Variants in SRPK3 observed in about 807,000 individuals in gnomAD.
SRPK3 encodes SRSF protein kinase 3, also known as SFRS protein kinase 3.
A neutral mutation model predicts 45.3 loss-of-function variants in SRPK3; 26 were observed. That is an observed-to-expected ratio of 0.57 (90% CI 0.42 to 0.80). The LOEUF (loss-of-function observed/expected upper bound fraction) is 0.80, where lower values mean the gene tolerates loss of function less well. Among genes scored for constraint, SRPK3 ranks in the 30% least tolerant of loss-of-function variants. The probability of loss-of-function intolerance (pLI) is 0.00; values close to 1 mark genes in which losing one functional copy is unlikely to be tolerated. For synonymous variants in SRPK3, 254 were observed against 226.6 expected (o/e 1.12, Z -1.09); for missense variants, 536 against 514.5 (o/e 1.04, Z -0.40).
At chrX:153,784,543 G>A in intron 11 of SRPK3, 149 bp downstream of exon 11, 1 of 758,186 alleles carries the variant, frequency 1.3e-6, no homozygotes, top group Non-Finnish European at 1.9e-6. Flanking sequence ...CAGCACTGGG[G>A]CCATGGCCAA....
chrX:153,781,157 C>A lies in SRPK3; in HGVS notation c.59+12C>A. 8.5e-7 allele frequency: 1 copy of A among 1,170,833 alleles called. No homozygotes were observed. On this transcript the variant is annotated intron_variant, in intron 1 of 14. Transcript: ENST00000370101. ...GGCAGTAGCAGCAGGTAGGGCTCGG[C>A]TGGGGCACCCGGAGCCCCTGGCGTC...
At position 153,785,018 on chromosome X, in the gene SRPK3, C is replaced by G; in HGVS notation, c.1426+15C>G. Reference sequence around the variant, plus strand: ...TCGTGATGAGGGTAAGGGGTGAGGGCTCTGGGCTCAGCCTCCCGGCCTCCC... The same window carrying G: ...TCGTGATGAGGGTAAGGGGTGAGGGGTCTGGGCTCAGCCTCCCGGCCTCCC... On this transcript the variant is annotated intron_variant, in intron 13 of 14. Transcript: ENST00000370101. 8.3e-7 allele frequency: 1 copy of G among 1,211,222 alleles called. No individual in the cohort carries two copies. The highest frequency in any genetic ancestry group is 1.1e-6 in the Non-Finnish European group (1 of 895,252).
chrX:153,782,642 C>A, intron 5 of SRPK3, 130 bp from the exon 6 acceptor site: 1 of 537,049 alleles, frequency 1.9e-6, no homozygotes, highest in Non-Finnish European at 3.0e-6. Context: ...TAATGGTGAC[C>A]AGGACTGCCC....
rs145638483 is a variant in SRPK3 at position 153,784,168 on chromosome X, G to A, written c.1102G>A (p.Gly368Ser). Reference sequence around the variant, plus strand: ...TCCTGCCTCCTGCTCCATCCTCTCCGGCTCGTCCAATCAGCGAGAGACCGG... The same window carrying A: ...TCCTGCCTCCTGCTCCATCCTCTCCAGCTCGTCCAATCAGCGAGAGACCGG... ...FSPASCSILS[G>S]SSNQRETGGL... Residue 368 changes from glycine (G) to serine (S), a missense_variant, in exon 10 of 15, where the codon GGC becomes AGC. Gly to Ser is a moderately conservative substitution (Grantham distance 56). Coordinates refer to ENST00000370101, the MANE Select transcript of SRPK3 (RefSeq NM_014370.4). 5.2e-5 allele frequency: 63 copies of A among 1,209,454 alleles called. No homozygotes were observed. Among genetic ancestry groups the A allele is most frequent in the Non-Finnish European group, 6.0e-5 (54 of 895,245 alleles).
In SRPK3 at chrX:153,784,028, A is replaced by G. The variant is rs1223121841; in HGVS notation, c.962A>G (p.His321Arg). ...GSGSTSSSGC[H>R]PGGARAGPSP... ...GGCTCCACATCCTCTTCAGGCTGTC[A>G]CCCCGGGGGCGCCAGAGCAGGTCCC... The change falls in exon 10 of 15, where the codon CAC (histidine) becomes CGC (arginine). Residue 321 changes from histidine to arginine, a missense_variant. By Grantham distance (29) the His-to-Arg change is conservative (BLOSUM62 0). Coordinates refer to ENST00000370101, the MANE Select transcript of SRPK3 (RefSeq NM_014370.4). The G allele has an allele frequency of 8.3e-7, 1 of 1,204,252 alleles. No individual in the cohort carries two copies. Among genetic ancestry groups the G allele is most frequent in the Non-Finnish European group, 1.1e-6 (1 of 892,720 alleles).
chrX:153,782,296 C>G (rs1444519486), intron 5 of SRPK3, 88 bp downstream of exon 5: 5 of 801,102 alleles, frequency 6.2e-6, no homozygotes, highest in Non-Finnish European at 9.4e-6. Flanking sequence ...TCTGCAGACC[C>G]GCACAATGGG....
Position 153,784,197 on chromosome X carries a change from C to T in SRPK3, c.1131C>T (p.Gly377=). ...CGTCCAATCAGCGAGAGACCGGGGG[C>T]CTCCTGTCGCCTAGCAGTAAGTTGG... ...SGSSNQRETG[G]LLSPSTPFGA... The change falls in exon 10 of 15, where the codon GGC becomes GGT. Residue 377 remains glycine, a synonymous_variant. Coordinates refer to ENST00000370101, the MANE Select transcript of SRPK3 (RefSeq NM_014370.4). 1 of 1,210,694 alleles carries T rather than the reference C, an allele frequency of 8.3e-7. No homozygotes were observed. The highest frequency in any genetic ancestry group is 1.1e-6 in the Non-Finnish European group (1 of 895,288).
chrX:153,783,708 T>G (rs1312267943), intron 8 of SRPK3, 44 bp from the exon 9 acceptor site: 1 of 1,204,048 alleles, frequency 8.3e-7, no homozygotes, highest in Non-Finnish European at 1.1e-6. Flanking sequence ...TCATGCTGAC[T>G]GGGGCGGGCG....
rs1557066582 is a variant in SRPK3, at chrX:153,781,070, C to A, written c.-17C>A. Reference sequence around the variant, plus strand: ...GCAGCCGCCCGGGGCACCGGAGCTGCGGGCTGCGTGGCCGGGATGAGCGCC... The same window carrying A: ...GCAGCCGCCCGGGGCACCGGAGCTGAGGGCTGCGTGGCCGGGATGAGCGCC... On this transcript the variant is annotated 5_prime_UTR_variant, in exon 1 of 15. Coordinates refer to ENST00000370101, the MANE Select transcript of SRPK3 (RefSeq NM_014370.4). 9.5e-7 allele frequency: 1 copy of A among 1,052,884 alleles called. No individual in the cohort carries two copies. Among genetic ancestry groups the A allele is most frequent in the African/African-American group, 2.0e-5 (1 of 50,350 alleles). 86.8% of individuals were successfully genotyped at this position (1,052,884 alleles called of 1,213,427 possible). A position where few individuals can be genotyped will look rare whatever the true frequency, so the allele number is the denominator to read the frequency against.
intron 6 of SRPK3, 21 bp from the exon 7 acceptor site, chrX:153,782,932 G>A (rs1557067373): frequency 2.5e-6 from 3 of 1,190,899 alleles, no homozygotes; most frequent in Non-Finnish European, 3.4e-6. Flanking sequence ...GTTGGAGGAG[G>A]TCAGGTGCGA....
At chrX:153,783,200 C>CCCGCT in intron 7 of SRPK3, 26 bp from the exon 8 acceptor site, 1 of 1,001,096 alleles carries the variant, frequency 1.0e-6, no homozygotes, top group Non-Finnish European at 1.4e-6. Context: ...CTGTCCCCCC[C>CCCGCT]CACCGCTCCC....
At chrX:153,783,179 T>G in intron 7 of SRPK3, 47 bp from the exon 8 acceptor site, 1 of 1,112,322 alleles carries the variant, frequency 9.0e-7, no homozygotes, top group Non-Finnish European at 1.2e-6. Context: ...TGCCTGAGTC[T>G]CTGTTCCTCC....
rs782711203 is a variant in SRPK3, at chrX:153,783,201, CACCGCT to C, written c.749-24_749-19del. On this transcript the variant is annotated intron_variant, in intron 7 of 14. Coordinates refer to ENST00000370101, the MANE Select transcript of SRPK3 (RefSeq NM_014370.4). ...GTCTCTGTTCCTCCCTGTCCCCCCC[CACCGCT>C]CCCCACCTGCACTCCCAGTCAGCAC... The C allele has an allele frequency of 1.5e-4, 139 of 913,934 alleles. No homozygotes were observed. Among genetic ancestry groups the C allele is most frequent in the Admixed American group, 7.9e-4 (27 of 34,092 alleles). 75.3% of individuals were successfully genotyped at this position (913,934 alleles called of 1,213,427 possible).
At chrX:153,783,305 G>A in intron 8 of SRPK3, 54 bp downstream of exon 8, 1 of 949,562 alleles carries the variant, frequency 1.1e-6, no homozygotes, top group Admixed American at 2.6e-5. Flanking sequence ...GAGCCAACTG[G>A]AGGCCATCTC....
Position 153,781,614 on chromosome X carries a change from G to T in SRPK3, c.299+1G>T. On this transcript the variant is annotated splice_donor_variant, in intron 3 of 14. Coordinates refer to ENST00000370101, the MANE Select transcript of SRPK3 (RefSeq NM_014370.4). LOFTEE classifies it high-confidence loss of function. ...CCGTCTGGCTCTGCTGGGACATCCA[G>T]TGAGTGCCTCCTTCGCCTCCGGGGC... is the stretch of plus-strand genomic sequence containing the variant. 8.3e-7 allele frequency: 1 copy of T among 1,209,148 alleles called. No homozygotes were observed. Among genetic ancestry groups the T allele is most frequent in the Non-Finnish European group, 1.1e-6 (1 of 893,962 alleles).
At position 153,781,198 on chromosome X, in the gene SRPK3, C is replaced by T. The variant is rs1271670733; in HGVS notation, c.60-18C>T. The stretch of plus-strand genomic sequence containing the variant: ...CCCTGGCGTCTCTCATGCCCACTGC[C>T]ACTCACCCCACCCGCAGCTCACAGG... On this transcript the variant is annotated intron_variant, in intron 1 of 14. Transcript: ENST00000370101. 2.5e-6 allele frequency: 3 copies of T among 1,201,850 alleles called. No individual in the cohort carries two copies. In the African/African-American group the frequency reaches 5.2e-5, roughly 21 times the overall value.
At chrX:153,784,707 A>C (rs201480778) in intron 11 of SRPK3, 43 bp from the exon 12 acceptor site, 181,313 of 1,189,819 alleles carry the variant, frequency 0.15, 10,018 homozygotes, top group Middle Eastern at 0.24. Flanking sequence ...GGGGCAGGAC[A>C]GCCTTGGCCC....
chrX:153,781,616 G>A lies in SRPK3; in HGVS notation c.299+3G>A, dbSNP rs2092052495. On this transcript the variant is annotated splice_donor_region_variant and intron_variant, in intron 3 of 14. Coordinates refer to ENST00000370101, the MANE Select transcript of SRPK3 (RefSeq NM_014370.4). ...GTCTGGCTCTGCTGGGACATCCAGT[G>A]AGTGCCTCCTTCGCCTCCGGGGCCC... 1 of 1,207,524 alleles carries A rather than the reference G, an allele frequency of 8.3e-7. No homozygotes were observed. Among genetic ancestry groups the A allele is most frequent in the South Asian group, 1.8e-5 (1 of 56,592 alleles).
At chrX:153,783,914 G>A in intron 9 of SRPK3, 30 bp downstream of exon 9, 2 of 1,191,817 alleles carry the variant, frequency 1.7e-6, no homozygotes, top group African/African-American at 1.7e-5. Flanking sequence ...GATGGGCCGT[G>A]GAGCGCAGCA....
Sources: allele counts gnomAD v4.1 joint callset, GRCh38; gene constraint gnomAD v4.1.1; transcripts MANE v1.5; gene names NCBI Gene and HGNC (gene_info 2026-07-23, HGNC 2026-07-21).